The following DPP10 variants were observed in gnomAD, a reference collection of about 807,000 sequenced individuals.
DPP10 encodes dipeptidyl peptidase like 10.
DPP10 carries 33 observed loss-of-function variants against 120.9 expected under a neutral mutation model. That is an observed-to-expected ratio of 0.27 (90% CI 0.21 to 0.37). The LOEUF (loss-of-function observed/expected upper bound fraction) is 0.37. DPP10 is among the 10% of genes least tolerant of loss of function. The pLI, the probability that DPP10 is intolerant of heterozygous loss-of-function variation, is 1.00. For synonymous variants in DPP10, 337 were observed against 326.1 expected, an observed-to-expected ratio of 1.03 and a Z score of -0.36; for missense variants, 816 against 942.8, an observed-to-expected ratio of 0.87 and a Z score of 1.76.
intron 1 of DPP10, among the ~76,000 whole-genome samples, chr2:115,252,531 A>T (rs1038993152): frequency 6.6e-6 from 1 of 152,162 alleles, no homozygotes; most frequent in Non-Finnish European, 1.5e-5. Flanking sequence ...TGTTAACTCT[A>T]TTCTGATTCT....
chr2:114,812,722 G>C (rs1685288818), intron 1 of DPP10, among the ~76,000 whole-genome samples: 1 of 151,570 alleles, frequency 6.6e-6, no homozygotes, highest in Non-Finnish European at 1.5e-5. Flanking sequence ...TCTTTTGTTT[G>C]TTTGTTTGTT....
At chr2:114,792,455 A>G (rs1451081724) in intron 1 of DPP10, among the ~76,000 whole-genome samples, 3 of 152,240 alleles carry the variant, frequency 2.0e-5, no homozygotes, top group African/African-American at 7.2e-5. Context: ...GGAAATAAGT[A>G]GAACTATTCT....
chr2:114,585,256 G>C (rs903384558), intron 1 of DPP10, among the ~76,000 whole-genome samples: 4 of 152,122 alleles, frequency 2.6e-5, no homozygotes, highest in Non-Finnish European at 5.9e-5. Context: ...TAGGACTGAG[G>C]TTGCCAGTTC....
chr2:114,583,730 G>A (rs1690724963), intron 1 of DPP10, among the ~76,000 whole-genome samples: 1 of 152,136 alleles, frequency 6.6e-6, no homozygotes, highest in Non-Finnish European at 1.5e-5. Context: ...AGAAATACCT[G>A]CTATTTTAAA....
chr2:114,923,708 C>T (rs984848767), intron 1 of DPP10, among the ~76,000 whole-genome samples: 3 of 151,340 alleles, frequency 2.0e-5, no homozygotes, highest in African/African-American at 4.9e-5. Flanking sequence ...CCTCATGATC[C>T]GCCCGCCTTG....
intron 1 of DPP10, among the ~76,000 whole-genome samples, chr2:114,922,115 C>G (rs929259774): frequency 5.3e-5 from 8 of 152,104 alleles, no homozygotes; most frequent in Admixed American, 1.3e-4. Flanking sequence ...AAAGTTAGCC[C>G]TTTTAATTTT....
At chr2:114,657,801 G>C (rs1156553574) in intron 1 of DPP10, among the ~76,000 whole-genome samples, 1 of 152,044 alleles carries the variant, frequency 6.6e-6, no homozygotes, top group Non-Finnish European at 1.5e-5. Flanking sequence ...ACTACTTTTG[G>C]CTTAATAATT....
chr2:114,893,991 A>G (rs1692762856), intron 1 of DPP10, among the ~76,000 whole-genome samples: 1 of 151,770 alleles, frequency 6.6e-6, no homozygotes, highest in Non-Finnish European at 1.5e-5. Flanking sequence ...GATATTTTTC[A>G]TTTTTCCTCA....
chr2:114,924,179 T>C (rs1040356913), intron 1 of DPP10, among the ~76,000 whole-genome samples: 25 of 152,200 alleles, frequency 1.6e-4, no homozygotes, highest in Non-Finnish European at 2.6e-4. Flanking sequence ...CAGCTCATAA[T>C]AGAGCTGGGC....
chr2:114,900,426 C>T (rs1171724979), intron 1 of DPP10, among the ~76,000 whole-genome samples: 1 of 152,150 alleles, frequency 6.6e-6, no homozygotes, highest in Non-Finnish European at 1.5e-5. Flanking sequence ...GTATATTATA[C>T]TATTGTAGCT....
chr2:114,494,754 G>A (rs1435643976), intron 1 of DPP10, among the ~76,000 whole-genome samples: 1 of 152,116 alleles, frequency 6.6e-6, no homozygotes, highest in Admixed American at 6.6e-5. Context: ...GAGGTCATTT[G>A]GCCAGGGTTT....
In DPP10 at chr2:115,178,403, C is replaced by T. The variant is rs193001529; in HGVS notation, c.61-130836C>T. Among the ~76,000 whole-genome samples, 17 of 152,294 alleles carry T rather than the reference C, an allele frequency of 1.1e-4. 1 individual carries two copies. In the East Asian group the frequency reaches 3.3e-3, roughly 29 times the overall value. ...TTCCTTCTCTGAACCACAGTTTCCT[C>T]ATCTTTAAAATGAGAACAACAAACT... On this transcript the variant is annotated intron_variant, in intron 1 of 25. Transcript: ENST00000410059.
chr2:115,701,738 G>C (rs985506776), intron 7 of DPP10, among the ~76,000 whole-genome samples: 4 of 152,014 alleles, frequency 2.6e-5, no homozygotes, highest in Non-Finnish European at 5.9e-5. Flanking sequence ...GTATACAGGA[G>C]TTCTTATATA....
At chr2:115,624,758 G>T (rs1000930982) in intron 5 of DPP10, among the ~76,000 whole-genome samples, 1 of 152,176 alleles carries the variant, frequency 6.6e-6, no homozygotes, top group Admixed American at 6.5e-5. Flanking sequence ...CTGTTAGAAA[G>T]ACAGCTTTTT....
intron 1 of DPP10, among the ~76,000 whole-genome samples, chr2:114,663,870 A>G (rs188233773): frequency 5.2e-4 from 79 of 152,126 alleles, no homozygotes; most frequent in Admixed American, 3.4e-3. Context: ...GAGTTAATAC[A>G]TATAAAGTAT....
chr2:115,805,187 GC>G (rs1685778143), intron 19 of DPP10, among the ~76,000 whole-genome samples: 1 of 152,110 alleles, frequency 6.6e-6, no homozygotes, highest in Non-Finnish European at 1.5e-5. Context: ...AGACTGCTGT[GC>G]TAGCAATCAG....
chr2:115,840,705 A>G (rs781407470), intron 24 of DPP10, 45 bp from the exon 25 acceptor site: 2 of 1,558,046 alleles, frequency 1.3e-6, no homozygotes, highest in East Asian at 2.2e-5. Flanking sequence ...AAGTTCTCAT[A>G]CAAGCAGTGT....
chr2:115,329,397 G>C, intron 2 of DPP10, among the ~76,000 whole-genome samples: 1 of 151,966 alleles, frequency 6.6e-6, no homozygotes, highest in East Asian at 1.9e-4. Flanking sequence ...ATTAGGCTTT[G>C]TAAGATACAG....
chr2:114,615,635 C>T (rs1461945512), intron 1 of DPP10, among the ~76,000 whole-genome samples: 1 of 152,118 alleles, frequency 6.6e-6, no homozygotes, highest in Non-Finnish European at 1.5e-5. Context: ...GTTCTATTCC[C>T]TACTCTATGT....
Sources: allele counts gnomAD v4.1 joint callset (sites outside exome capture counted in the v4.1 genomes callset), GRCh38; gene constraint gnomAD v4.1.1; transcripts MANE v1.5; gene names NCBI Gene and HGNC (gene_info 2026-07-23, HGNC 2026-07-21).